BRAF: variants seen among roughly 807,000 people sequenced by gnomAD.
BRAF encodes serine/threonine-protein kinase B-raf.
In BRAF, 16 loss-of-function variants were observed where a neutral mutation model predicts 104.6. That is an observed-to-expected ratio of 0.15 (90% CI 0.10 to 0.23). The LOEUF (loss-of-function observed/expected upper bound fraction) is 0.23. Among genes scored for constraint, BRAF ranks in the 10% least tolerant of loss-of-function variants. BRAF has a pLI of 1.00. For synonymous variants in BRAF, 310 were observed against 341.6 expected (o/e 0.91, Z 1.02); for missense variants, 541 against 937.3 (o/e 0.58, Z 5.52).
intron 14 of BRAF, among the ~76,000 whole-genome samples, chr7:140,754,787 C>G (rs1026473121): frequency 2.0e-5 from 3 of 152,124 alleles, no homozygotes; most frequent in African/African-American, 7.2e-5. Context: ...CCTATGTTCA[C>G]TTCTATTTGG....
chr7:140,920,105 C>A (rs1818056178), intron 1 of BRAF, among the ~76,000 whole-genome samples: 1 of 151,970 alleles, frequency 6.6e-6, no homozygotes, highest in African/African-American at 2.4e-5. Context: ...CTGATGAAGA[C>A]AAAATCTAGT....
chr7:140,802,336 C>T (rs1235550167), intron 5 of BRAF, among the ~76,000 whole-genome samples: 2 of 135,126 alleles, frequency 1.5e-5, no homozygotes, highest in Admixed American at 8.8e-5. Context: ...CTGGCTCTGT[C>T]GCCCAGGCTG....
In BRAF at chr7:140,723,782, A is replaced by G. The variant is rs1795441834; in HGVS notation, c.*2712T>C. On this transcript the variant is annotated 3_prime_UTR_variant, in exon 20 of 20. Coordinates refer to ENST00000644969, the MANE Select transcript of BRAF (RefSeq NM_001374258.1). ...AAGACTGTTACACCCTTACAAGATG[A>G]TCAGTGACGCAGCCACATACTGTCT... The G allele has an allele frequency of 1.9e-6, 2 of 1,048,540 alleles. No homozygotes were observed. Among genetic ancestry groups the G allele is most frequent in the Admixed American group, 5.5e-5 (1 of 18,146 alleles). The allele number at this position is 1,048,540 out of a possible 1,614,324, so 65.0% of individuals were successfully genotyped here. A position where few individuals can be genotyped will look rare whatever the true frequency, so the allele number is the denominator to read the frequency against.
At chr7:140,829,181 GT>G (rs1175852773) in intron 3 of BRAF, among the ~76,000 whole-genome samples, 1 of 126,712 alleles carries the variant, frequency 7.9e-6, no homozygotes, top group African/African-American at 2.7e-5. Context: ...TATTGACTCT[GT>G]TAAGGTTTTT....
intron 1 of BRAF, among the ~76,000 whole-genome samples, chr7:140,853,314 C>T (rs1809400080): frequency 6.6e-6 from 1 of 151,930 alleles, no homozygotes; most frequent in Non-Finnish European, 1.5e-5. Flanking sequence ...GAAGTTGAGG[C>T]TGCAATGAGC....
chr7:140,818,033 A>T (rs1805061275), intron 3 of BRAF, among the ~76,000 whole-genome samples: 2 of 117,546 alleles, frequency 1.7e-5, no homozygotes, highest in African/African-American at 7.6e-5. Flanking sequence ...CTTACAAATT[A>T]AAAAAAAAAC....
intron 1 of BRAF, among the ~76,000 whole-genome samples, chr7:140,909,870 G>A (rs1816783113): frequency 6.6e-6 from 1 of 151,766 alleles, no homozygotes; most frequent in South Asian, 2.1e-4. Context: ...TACACAAAAT[G>A]GAGTTACTGT....
rs534113171 is a variant in BRAF, at chr7:140,812,843, G to T, written c.505-3848C>A. ...AACTGGAACTAATCTAGAAAAAAAGGTTCATCCATACTTCATATTGTATAC... is the reference window on the plus strand; with the variant it reads ...AACTGGAACTAATCTAGAAAAAAAGTTTCATCCATACTTCATATTGTATAC... On this transcript the variant is annotated intron_variant, in intron 3 of 19. Transcript: ENST00000644969. Among the ~76,000 whole-genome samples the T allele has an allele frequency of 1.3e-4, 20 of 152,234 alleles. No individual in the cohort carries two copies. The South Asian group carries it at 4.1e-3, about 32-fold the overall frequency.
At chr7:140,753,624 G>C (rs1317214535) in intron 15 of BRAF, 1 of 406,892 alleles carries the variant, frequency 2.5e-6, no homozygotes, top group Admixed American at 3.7e-5. Flanking sequence ...AAATGTGTTA[G>C]GATGAGGTGA....
At chr7:140,757,986 T>C (rs1427926403) in intron 14 of BRAF, 3 of 152,232 alleles carry the variant, frequency 2.0e-5, no homozygotes, top group African/African-American at 4.8e-5. Context: ...AATATTGCTA[T>C]GCCATTTGGC....
At chr7:140,832,304 A>C (rs1806849381) in intron 3 of BRAF, among the ~76,000 whole-genome samples, 1 of 152,210 alleles carries the variant, frequency 6.6e-6, no homozygotes, top group Non-Finnish European at 1.5e-5. Context: ...GGACAAACAG[A>C]AACATGTATT....
intron 1 of BRAF, among the ~76,000 whole-genome samples, chr7:140,891,385 T>C (rs1225012302): frequency 6.6e-6 from 1 of 152,196 alleles, no homozygotes; most frequent in African/African-American, 2.4e-5. Context: ...GGGAGGGTAT[T>C]TGCATATAAC....
intron 14 of BRAF, among the ~76,000 whole-genome samples, chr7:140,771,362 A>G (rs1799829355): frequency 6.6e-6 from 1 of 151,552 alleles, no homozygotes; most frequent in Non-Finnish European, 1.5e-5. Flanking sequence ...CATCCAGCTA[A>G]TTTTTGTATT....
chr7:140,827,957 C>T (rs973606570), intron 3 of BRAF, among the ~76,000 whole-genome samples: 1 of 152,058 alleles, frequency 6.6e-6, no homozygotes, highest in Admixed American at 6.5e-5. Flanking sequence ...AGTGCAACGG[C>T]GCAATCTCGG....
chr7:140,893,655 A>G (rs1814530500), intron 1 of BRAF, among the ~76,000 whole-genome samples: 1 of 152,132 alleles, frequency 6.6e-6, no homozygotes, highest in Non-Finnish European at 1.5e-5. Context: ...GTCTATGAGG[A>G]GAAACGTTAA....
rs747137601 is a variant in BRAF at position 140,749,797 on chromosome 7, C to T, written c.1981-379G>A. Among the ~76,000 whole-genome samples, 32 of 152,254 alleles carry T rather than the reference C, an allele frequency of 2.1e-4. 1 individual carries two copies. In the South Asian group the frequency reaches 3.3e-3, roughly 16 times the overall value. On this transcript the variant is annotated intron_variant, in intron 16 of 19. Coordinates refer to ENST00000644969, the MANE Select transcript of BRAF (RefSeq NM_001374258.1). ...ATACTAGACTTGTGGTTATAAGATGCTTAGGAGCAGCACAACTACTGTAGT... is the reference window on the plus strand; with the variant it reads ...ATACTAGACTTGTGGTTATAAGATGTTTAGGAGCAGCACAACTACTGTAGT...
At chr7:140,734,069 C>T in intron 19 of BRAF, 1 of 1,037,664 alleles carries the variant, frequency 9.6e-7, no homozygotes, top group Non-Finnish European at 1.2e-6. Context: ...CCACATTTTC[C>T]AAATTGTTAT....
intron 9 of BRAF, among the ~76,000 whole-genome samples, chr7:140,787,126 C>T (rs906929589): frequency 6.6e-6 from 1 of 151,588 alleles, no homozygotes; most frequent in African/African-American, 2.4e-5. Context: ...ACGGTGAAAC[C>T]CCGTCTCTAC....
chr7:140,785,887 A>G (rs1229460584), intron 9 of BRAF: 3 of 397,748 alleles, frequency 7.5e-6, no homozygotes, highest in Non-Finnish European at 1.3e-5. Flanking sequence ...CATGGGGAAT[A>G]AACAAGATGA....
Sources: allele counts gnomAD v4.1 joint callset (sites outside exome capture counted in the v4.1 genomes callset), GRCh38; gene constraint gnomAD v4.1.1; transcripts MANE v1.5; gene names NCBI Gene and HGNC (gene_info 2026-07-23, HGNC 2026-07-21).